SNX29: variants seen among roughly 807,000 people sequenced by gnomAD.
The protein encoded by SNX29 is sorting nexin 29, also known as sorting nexin-29.
SNX29 carries 78 observed loss-of-function variants against 102.1 expected under a neutral mutation model. The observed-to-expected ratio is 0.76, with a 90% CI of 0.64 to 0.92. The LOEUF is 0.92. SNX29 is among the 40% of genes least tolerant of loss of function. The probability of loss-of-function intolerance (pLI) is 0.00; values close to 1 mark genes in which losing one functional copy is unlikely to be tolerated. For missense variants in SNX29, 1,280 were observed against 1,061.7 expected, an observed-to-expected ratio of 1.21 and a Z score of -2.86; for synonymous variants, 580 against 414.5, an observed-to-expected ratio of 1.40 and a Z score of -4.85.
chr16:12,306,471 G>T (rs895286476), intron 15 of SNX29, among the ~76,000 whole-genome samples: 1 of 152,150 alleles, frequency 6.6e-6, no homozygotes, highest in Non-Finnish European at 1.5e-5. Flanking sequence ...AATTCATTTT[G>T]TAGTTTGTTG....
intron 15 of SNX29, among the ~76,000 whole-genome samples, chr16:12,292,642 A>T (rs1199742927): frequency 1.3e-5 from 2 of 152,248 alleles, no homozygotes; most frequent in Non-Finnish European, 2.9e-5. Flanking sequence ...GGCTTGTAGC[A>T]GTTTGGCTTG....
chr16:12,203,871 C>T (rs1240083680), intron 14 of SNX29, among the ~76,000 whole-genome samples: 1 of 152,174 alleles, frequency 6.6e-6, no homozygotes, highest in African/African-American at 2.4e-5. Flanking sequence ...GAGTGACTTC[C>T]CCATCCACAT....
intron 15 of SNX29, among the ~76,000 whole-genome samples, chr16:12,314,077 T>G (rs1273710049): frequency 1.3e-5 from 2 of 152,326 alleles, no homozygotes; most frequent in Admixed American, 1.3e-4. Flanking sequence ...CCTCCAACTG[T>G]TGGGCTCAGG....
At position 12,096,833 on chromosome 16, in the gene SNX29, T is replaced by C. The variant is rs1330881194; in HGVS notation, c.1402+17918T>C. On this transcript the variant is annotated intron_variant, in intron 11 of 20. Coordinates refer to ENST00000566228, the MANE Select transcript of SNX29 (RefSeq NM_032167.5). The surrounding 1 kb of genome is among the most constrained non-coding windows in gnomAD (Gnocchi z 4.2). Reference sequence around the variant, plus strand: ...CAGTGCTGGATGCTGGTCACTCATATAGACCCTGGATTCCTTGCTCCCAGG... The same window carrying C: ...CAGTGCTGGATGCTGGTCACTCATACAGACCCTGGATTCCTTGCTCCCAGG... Among the ~76,000 whole-genome samples, 1 of 152,234 alleles carries C rather than the reference T, an allele frequency of 6.6e-6. No individual in the cohort carries two copies. Among genetic ancestry groups the C allele is most frequent in the Non-Finnish European group, 1.5e-5 (1 of 68,044 alleles).
At chr16:11,979,938 C>T (rs1289431133) in intron 1 of SNX29, among the ~76,000 whole-genome samples, 1 of 152,006 alleles carries the variant, frequency 6.6e-6, no homozygotes, top group Non-Finnish European at 1.5e-5. Flanking sequence ...CACTGTGCTC[C>T]GGCCATAACA....
chr16:12,419,562 G>GCC (rs34648432), intron 18 of SNX29, among the ~76,000 whole-genome samples: 1,801 of 147,544 alleles, frequency 0.012, 37 homozygotes, highest in East Asian at 0.11. Flanking sequence ...ATCAGACTCA[G>GCC]CCCCCCCCCC....
At position 12,568,707 on chromosome 16, in the gene SNX29, C is replaced by T. The variant is rs2079117639; in HGVS notation, c.*78C>T. On this transcript the variant is annotated 3_prime_UTR_variant, in exon 21 of 21. Transcript: ENST00000566228. ...CCCAGCCACTGCCGCTGGCCCCTCA[C>T]CTCAGCGTGACAACCACGTCCACCT... 23 of 1,552,492 alleles carry T rather than the reference C, an allele frequency of 1.5e-5. No individual in the cohort carries two copies. Among genetic ancestry groups the T allele is most frequent in the South Asian group, 7.0e-5 (6 of 85,790 alleles).
At chr16:12,324,800 C>G (rs779248905) in intron 15 of SNX29, among the ~76,000 whole-genome samples, 14 of 152,150 alleles carry the variant, frequency 9.2e-5, no homozygotes, top group Admixed American at 6.5e-5. Context: ...ATCCATCTAT[C>G]TGGGAGGTTG....
At chr16:11,996,995 T>C (rs914424440) in intron 1 of SNX29, among the ~76,000 whole-genome samples, 2 of 152,204 alleles carry the variant, frequency 1.3e-5, no homozygotes, top group African/African-American at 4.8e-5. Flanking sequence ...TTACCAGGCC[T>C]GGGGGTAAGG....
Position 12,483,114 on chromosome 16 carries a change from G to GTTTTTGTTTTTTTTTTTTTTTTTT in SNX29, c.2178+5260_2178+5261insGTTTTTTTTTTTTTTTTTTTTTTT, listed in dbSNP as rs71139598. On this transcript the variant is annotated intron_variant, in intron 19 of 20. Coordinates refer to ENST00000566228, the MANE Select transcript of SNX29 (RefSeq NM_032167.5). ...AATAGATACATATTGAAGTTATTAA[G>GTTTTTGTTTTTTTTTTTTTTTTTT]TTTTTTTTTTTTTTTTTTTTTTTTT... is the stretch of plus-strand genomic sequence containing the variant. Among the ~76,000 whole-genome samples, 3 of 66,196 alleles carry GTTTTTGTTTTTTTTTTTTTTTTTT rather than the reference G, an allele frequency of 4.5e-5. 1 individual carries two copies. The highest frequency in any genetic ancestry group is 6.1e-5 in the African/African-American group (1 of 16,456). The allele number at this position is 66,196 out of a possible 152,430, so 43.4% of individuals were successfully genotyped here.
intron 15 of SNX29, among the ~76,000 whole-genome samples, chr16:12,298,984 C>G (rs112453709): frequency 0.033 from 4,780 of 144,226 alleles, 122 homozygotes; most frequent in African/African-American, 0.066. Flanking sequence ...CCAGAGAGGA[C>G]CAATGAGTCT....
intron 4 of SNX29, among the ~76,000 whole-genome samples, chr16:12,035,940 A>G (rs1160608579): frequency 6.6e-6 from 1 of 152,178 alleles, no homozygotes; most frequent in East Asian, 1.9e-4. Context: ...GTCCAGAGTT[A>G]GGACAGTCCT....
At chr16:12,558,753 C>T (rs533043173) in intron 20 of SNX29, among the ~76,000 whole-genome samples, 6 of 152,334 alleles carry the variant, frequency 3.9e-5, no homozygotes, top group South Asian at 2.1e-4. Context: ...GTCCCAGGCC[C>T]ATTGGGTGAT....
intron 15 of SNX29, among the ~76,000 whole-genome samples, chr16:12,314,547 A>G (rs2080669506): frequency 6.6e-6 from 1 of 152,250 alleles, no homozygotes; most frequent in Admixed American, 6.5e-5. Context: ...TGTGAGGACT[A>G]AATGAGTTAG....
intron 20 of SNX29, among the ~76,000 whole-genome samples, chr16:12,549,165 G>A (rs578155561): frequency 1.3e-5 from 2 of 152,312 alleles, no homozygotes; most frequent in African/African-American, 4.8e-5. Context: ...CACATTTGCT[G>A]TTCATGGAGT....
At chr16:12,263,132 CTTTT>C (rs541154463) in intron 14 of SNX29, among the ~76,000 whole-genome samples, 1 of 138,342 alleles carries the variant, frequency 7.2e-6, no homozygotes. Flanking sequence ...TGTTGTCCAC[CTTTT>C]TTTTTTTTTT....
intron 11 of SNX29, among the ~76,000 whole-genome samples, chr16:12,109,402 T>C (rs531152905): frequency 3.3e-5 from 5 of 152,118 alleles, no homozygotes; most frequent in South Asian, 2.1e-4. Context: ...CATCCATGAG[T>C]GCATGAATGG....
intron 15 of SNX29, among the ~76,000 whole-genome samples, chr16:12,341,013 G>T (rs567772828): frequency 5.3e-5 from 8 of 152,256 alleles, no homozygotes; most frequent in African/African-American, 1.7e-4. Context: ...TGTAGAATGG[G>T]CATAATGCCT....
In SNX29 at chr16:12,570,931, C is replaced by T. The variant is rs970084479; in HGVS notation, c.*2302C>T. 4.3e-6 allele frequency: 1 copy of T among 231,634 alleles called. No individual in the cohort carries two copies. The highest frequency in any genetic ancestry group is 8.5e-6 in the Non-Finnish European group (1 of 117,138). The allele number at this position is 231,634 out of a possible 1,614,324, so 14.3% of individuals were successfully genotyped here. On this transcript the variant is annotated 3_prime_UTR_variant, in exon 21 of 21. Coordinates refer to ENST00000566228, the MANE Select transcript of SNX29 (RefSeq NM_032167.5). ...CTGCTCTCCAAAATGAGAGCATGTT[C>T]CTGGGAGCCACATGGGGACCATCCC...
Sources: allele counts gnomAD v4.1 joint callset (sites outside exome capture counted in the v4.1 genomes callset), GRCh38; gene constraint gnomAD v4.1.1; non-coding constraint Gnocchi (gnomAD v3.1); transcripts MANE v1.5; gene names NCBI Gene and HGNC (gene_info 2026-07-23, HGNC 2026-07-21).